ROBO2: variants seen among roughly 807,000 people sequenced by gnomAD.
The protein encoded by ROBO2 is roundabout guidance receptor 2, also known as roundabout homolog 2.
Under a neutral mutation model 160.8 loss-of-function variants are expected in ROBO2, and 53 were observed. The observed-to-expected ratio is 0.33, with a 90% CI of 0.26 to 0.41. ROBO2 has a LOEUF of 0.41. ROBO2 is among the 10% of genes least tolerant of loss of function. ROBO2 has a pLI of 1.00. For missense variants in ROBO2, 1,577 were observed against 1,722.4 expected, an observed-to-expected ratio of 0.92 and a Z score of 1.49; for synonymous variants, 664 against 611.7, an observed-to-expected ratio of 1.09 and a Z score of -1.26.
chr3:76,499,292 A>T (rs369906222), intron 2 of ROBO2, among the ~76,000 whole-genome samples: 30 of 152,278 alleles, frequency 2.0e-4, no homozygotes, highest in Admixed American at 1.0e-3. Flanking sequence ...GAATAAAAAA[A>T]CTTAAATATG....
intron 2 of ROBO2, among the ~76,000 whole-genome samples, chr3:77,401,263 TAAA>T (rs5850329): frequency 1.3e-4 from 19 of 147,730 alleles, no homozygotes; most frequent in African/African-American, 4.7e-4. Context: ...TGTTTGTATT[TAAA>T]AAAAAAAAAA....
intron 2 of ROBO2, among the ~76,000 whole-genome samples, chr3:76,005,433 ATGG>A (rs2107585316): frequency 6.6e-6 from 1 of 152,288 alleles, no homozygotes; most frequent in South Asian, 2.1e-4. Context: ...GTTATCTTAG[ATGG>A]TGAATTGGAC....
chr3:76,747,070 G>T (rs1258372744), intron 2 of ROBO2, among the ~76,000 whole-genome samples: 1 of 152,074 alleles, frequency 6.6e-6, no homozygotes, highest in Admixed American at 6.6e-5. Context: ...CATTTGGGTT[G>T]ATTCCATGTC....
chr3:76,435,061 A>G (rs972135502), intron 2 of ROBO2: 1 of 1,125,690 alleles, frequency 8.9e-7, no homozygotes, highest in Non-Finnish European at 1.4e-6. Flanking sequence ...GCTTACATAT[A>G]CAAGTGTGTC....
intron 2 of ROBO2, among the ~76,000 whole-genome samples, chr3:76,622,285 A>AGAAG (rs2089257129): frequency 2.2e-5 from 2 of 90,302 alleles, no homozygotes; most frequent in East Asian, 3.8e-4. Context: ...AAAGAAAGAA[A>AGAAG]GAAAGAAAGA....
At chr3:76,210,108 A>C (rs1389844679) in intron 2 of ROBO2, among the ~76,000 whole-genome samples, 1 of 152,124 alleles carries the variant, frequency 6.6e-6, no homozygotes, top group African/African-American at 2.4e-5. Flanking sequence ...TGCATGTTAC[A>C]GGAATGACAA....
chr3:76,792,639 C>T (rs2063438877), intron 2 of ROBO2, among the ~76,000 whole-genome samples: 1 of 151,500 alleles, frequency 6.6e-6, no homozygotes. Context: ...GTAGCTGTCA[C>T]ATTGCCTATT....
chr3:76,018,528 A>C (rs941558819), intron 2 of ROBO2, among the ~76,000 whole-genome samples: 4 of 151,560 alleles, frequency 2.6e-5, no homozygotes. Context: ...TTAGCTGTTG[A>C]ATTTATCTGT....
chr3:76,901,504 G>A (rs2075226112), intron 2 of ROBO2, among the ~76,000 whole-genome samples: 1 of 135,852 alleles, frequency 7.4e-6, no homozygotes, highest in African/African-American at 2.8e-5. Flanking sequence ...GGAGGCAGAG[G>A]TTACAGTGAG....
intron 2 of ROBO2, among the ~76,000 whole-genome samples, chr3:77,270,468 T>G (rs1412493790): frequency 1.3e-5 from 2 of 152,194 alleles, no homozygotes; most frequent in Admixed American, 6.5e-5. Context: ...TTGAACTCAG[T>G]GGTTCAAACT....
At chr3:76,624,110 G>A (rs1028172096) in intron 2 of ROBO2, among the ~76,000 whole-genome samples, 1 of 151,720 alleles carries the variant, frequency 6.6e-6, no homozygotes, top group African/African-American at 2.4e-5. Flanking sequence ...TTATGAATAC[G>A]TGAACATAAT....
At chr3:77,065,089 G>GA (rs2066703712) in intron 1 of ROBO2, among the ~76,000 whole-genome samples, 1 of 152,030 alleles carries the variant, frequency 6.6e-6, no homozygotes, top group Non-Finnish European at 1.5e-5. Context: ...AAATCAACTA[G>GA]AAAAAATACA....
intron 2 of ROBO2, among the ~76,000 whole-genome samples, chr3:76,985,575 GAAAAAAAAAAAAAAAAA>G (rs532632866): frequency 1.9e-4 from 5 of 26,358 alleles, no homozygotes; most frequent in Admixed American, 1.5e-3. Flanking sequence ...GACTCCGTCT[GAAAAAAAAAAAAAAAAA>G]AAAAAAAAAA....
At chr3:76,883,442 A>C (rs985708838) in intron 2 of ROBO2, among the ~76,000 whole-genome samples, 2 of 152,168 alleles carry the variant, frequency 1.3e-5, no homozygotes, top group Non-Finnish European at 2.9e-5. Context: ...CTATAAAAAC[A>C]ATCTACTGAC....
intron 2 of ROBO2, among the ~76,000 whole-genome samples, chr3:76,998,742 A>G (rs374360145): frequency 9.9e-5 from 15 of 152,210 alleles, no homozygotes; most frequent in African/African-American, 3.6e-4. Flanking sequence ...GCCTGGGGGA[A>G]TTTGGTGATT....
At chr3:77,328,062 C>CAAAAAAAAAAA in intron 2 of ROBO2, among the ~76,000 whole-genome samples, 1 of 112,842 alleles carries the variant, frequency 8.9e-6, no homozygotes, top group East Asian at 2.5e-4. Context: ...GACCGTATCT[C>CAAAAAAAAAAA]AAAAAAAAAA....
rs142468141 is a variant in ROBO2, at chr3:77,296,685, G to A, written c.389-180729G>A. 2.6e-5 allele frequency among the ~76,000 whole-genome samples: 4 copies of A among 152,196 alleles called. No individual in the cohort carries two copies. The East Asian group carries it at 7.7e-4, about 29-fold the overall frequency. The stretch of plus-strand genomic sequence containing the variant: ...ACAATTGCTCAGAATATTCTAGGCC[G>A]ATGGAAAAGGCCTTGTGGTAAGATG... On this transcript the variant is annotated intron_variant, in intron 2 of 25. Coordinates refer to ENST00000461745, the Ensembl canonical transcript of ROBO2.
At chr3:76,761,750 G>A (rs1354428571) in intron 2 of ROBO2, among the ~76,000 whole-genome samples, 2 of 151,706 alleles carry the variant, frequency 1.3e-5, no homozygotes, top group African/African-American at 4.8e-5. Flanking sequence ...TAGTCAACAT[G>A]TCTTGATAGA....
At chr3:76,028,049 CAA>C (rs1240787871) in intron 2 of ROBO2, among the ~76,000 whole-genome samples, 2 of 151,630 alleles carry the variant, frequency 1.3e-5, no homozygotes, top group African/African-American at 2.4e-5. Context: ...TTTTTCAAGA[CAA>C]AATAAAAGAA....
Sources: gnomAD v4.1 joint callset for allele counts (sites outside exome capture counted in the v4.1 genomes callset) on GRCh38, gnomAD v4.1.1 for gene constraint, MANE v1.5 for transcripts, NCBI Gene and HGNC (gene_info 2026-07-23, HGNC 2026-07-21) for gene names.